The following DCBLD2 variants were observed in gnomAD, a reference collection of about 807,000 sequenced individuals.
The protein encoded by DCBLD2 is discoidin, CUB and LCCL domain-containing protein 2.
A neutral mutation model predicts 86.8 loss-of-function variants in DCBLD2; 54 were observed. The observed-to-expected ratio is 0.62, with a 90% CI of 0.50 to 0.78. The LOEUF is 0.78. Ranked by LOEUF, DCBLD2 falls within the 30% of genes least tolerant of loss-of-function variation. The pLI is 0.00. For missense variants in DCBLD2, 908 were observed against 954.2 expected (o/e 0.95, Z 0.64); for synonymous variants, 354 against 341.3 (o/e 1.04, Z -0.41).
chr3:98,882,011 T>A (rs1943480541), intron 1 of DCBLD2, among the ~76,000 whole-genome samples: 1 of 152,162 alleles, frequency 6.6e-6, no homozygotes, highest in Non-Finnish European at 1.5e-5. Flanking sequence ...ATCTCAAACA[T>A]TTATCACTTG....
intron 2 of DCBLD2, among the ~76,000 whole-genome samples, chr3:98,868,235 A>C (rs1943194552): frequency 2.0e-5 from 3 of 152,214 alleles, no homozygotes. Flanking sequence ...TAAGGAATCA[A>C]CCTATTCAAA....
At chr3:98,876,918 T>C (rs1943382939) in intron 2 of DCBLD2, among the ~76,000 whole-genome samples, 1 of 152,116 alleles carries the variant, frequency 6.6e-6, no homozygotes. Context: ...TACAAAAGAA[T>C]ATTGAAAGAA....
chr3:98,889,247 T>C (rs1943614353), intron 1 of DCBLD2, among the ~76,000 whole-genome samples: 1 of 151,968 alleles, frequency 6.6e-6, no homozygotes, highest in Admixed American at 6.6e-5. Flanking sequence ...ATGAGTGTCA[T>C]CAGATAGTAA....
chr3:98,843,430 T>C (rs957375645), intron 3 of DCBLD2, among the ~76,000 whole-genome samples: 9 of 152,276 alleles, frequency 5.9e-5, no homozygotes, highest in African/African-American at 1.9e-4. Context: ...AAAATTACTG[T>C]ACGGTTAAGA....
At chr3:98,853,404 T>G (rs1177247651) in intron 2 of DCBLD2, among the ~76,000 whole-genome samples, 1 of 152,220 alleles carries the variant, frequency 6.6e-6, no homozygotes, top group Non-Finnish European at 1.5e-5. Context: ...AAAAAGAAAG[T>G]CACACTCCAG....
intron 2 of DCBLD2, among the ~76,000 whole-genome samples, chr3:98,864,835 C>G (rs951555516): frequency 6.6e-6 from 1 of 152,024 alleles, no homozygotes; most frequent in African/African-American, 2.4e-5. Context: ...CACACGTATC[C>G]TAGAACTTAA....
At chr3:98,871,965 T>C (rs1471379584) in intron 2 of DCBLD2, among the ~76,000 whole-genome samples, 6 of 152,174 alleles carry the variant, frequency 3.9e-5, no homozygotes, top group Non-Finnish European at 7.3e-5. Context: ...TCAATCTCAC[T>C]ACTTATTACT....
intron 2 of DCBLD2, among the ~76,000 whole-genome samples, chr3:98,866,021 C>A (rs1235858232): frequency 1.3e-5 from 2 of 152,040 alleles, no homozygotes; most frequent in African/African-American, 2.4e-5. Context: ...CATCCATGTC[C>A]TTACAAAGGA....
chr3:98,866,711 T>G (rs1438596868), intron 2 of DCBLD2, among the ~76,000 whole-genome samples: 1 of 152,174 alleles, frequency 6.6e-6, no homozygotes, highest in Non-Finnish European at 1.5e-5. Flanking sequence ...TTTAGTTTAA[T>G]TAGATCCCAT....
chr3:98,811,210 A>C lies in DCBLD2; in HGVS notation c.1560T>G (p.Thr520=), dbSNP rs1941932133. 6.2e-7 allele frequency: 1 copy of C among 1,607,360 alleles called. No individual in the cohort carries two copies. ...TTTGCATACCTTTGGTTACATTTGG[A>C]GTTACGGTAGTATTTCTGATATCAG... ...ASPDIRNTTV[T]PNVTKDVALA... Residue 520 remains threonine, a synonymous_variant, in exon 12 of 16, where the codon ACT becomes ACG. Transcript: ENST00000326840.
intron 3 of DCBLD2, among the ~76,000 whole-genome samples, chr3:98,847,304 C>CA (rs1942744415): frequency 6.6e-6 from 1 of 152,216 alleles, no homozygotes; most frequent in Non-Finnish European, 1.5e-5. Flanking sequence ...AGAGGTTAGC[C>CA]AGCTAGCACG....
At chr3:98,812,674 AG>A (rs34899871) in intron 9 of DCBLD2, 192 bp from the exon 10 acceptor site, 28,364 of 486,798 alleles carry the variant, frequency 0.058, 1,047 homozygotes, top group Non-Finnish European at 0.071. Context: ...TTTTATCAAA[AG>A]TTTATGAAAC....
intron 2 of DCBLD2, among the ~76,000 whole-genome samples, chr3:98,860,807 C>G (rs572953373): frequency 6.6e-6 from 1 of 152,310 alleles, no homozygotes; most frequent in East Asian, 1.9e-4. Context: ...TTGGAAGAAA[C>G]TGCATCAACT....
At chr3:98,862,089 A>T (rs868770175) in intron 2 of DCBLD2, among the ~76,000 whole-genome samples, 1 of 152,222 alleles carries the variant, frequency 6.6e-6, no homozygotes, top group African/African-American at 2.4e-5. Flanking sequence ...AGAATACTAC[A>T]AACACCTCTA....
intron 3 of DCBLD2, among the ~76,000 whole-genome samples, chr3:98,838,126 G>A (rs1347741907): frequency 8.2e-5 from 11 of 134,374 alleles, no homozygotes; most frequent in Admixed American, 1.4e-4. Context: ...CGGATGGGGC[G>A]GCTGGTCGGG....
intron 1 of DCBLD2, among the ~76,000 whole-genome samples, chr3:98,900,179 TGA>T (rs758611889): frequency 3.9e-5 from 6 of 152,318 alleles, no homozygotes; most frequent in Non-Finnish European, 2.9e-5. Context: ...CTGAAAACCA[TGA>T]GAGCAACATA....
intron 2 of DCBLD2, among the ~76,000 whole-genome samples, chr3:98,852,249 C>T (rs1576181949): frequency 6.8e-6 from 1 of 147,250 alleles, no homozygotes; most frequent in Admixed American, 6.8e-5. Flanking sequence ...TAGGATATTT[C>T]TTTTTTTTTT....
intron 2 of DCBLD2, among the ~76,000 whole-genome samples, chr3:98,854,336 T>A (rs1296954757): frequency 2.0e-5 from 3 of 152,166 alleles, no homozygotes; most frequent in Admixed American, 6.5e-5. Context: ...GAGGTGGAGA[T>A]GTACAAATTA....
At chr3:98,810,651 T>C (rs367697093) in intron 12 of DCBLD2, among the ~76,000 whole-genome samples, 3 of 152,340 alleles carry the variant, frequency 2.0e-5, no homozygotes, top group South Asian at 4.1e-4. Context: ...AACTTGAAAG[T>C]AAATTCTAAT....
Sources: gnomAD v4.1 joint callset for allele counts (sites outside exome capture counted in the v4.1 genomes callset) on GRCh38, gnomAD v4.1.1 for gene constraint, MANE v1.5 for transcripts, NCBI Gene and HGNC (gene_info 2026-07-23, HGNC 2026-07-21) for gene names.